Variants in CREB3L2 observed in about 807,000 individuals in gnomAD.
CREB3L2 encodes cAMP responsive element binding protein 3 like 2.
A neutral mutation model predicts 57.2 loss-of-function variants in CREB3L2; 23 were observed. The observed-to-expected ratio is 0.40, with a 90% CI of 0.29 to 0.57. The LOEUF is 0.57. Among genes scored for constraint, CREB3L2 ranks in the 20% least tolerant of loss-of-function variants. The pLI is 0.42. For synonymous variants in CREB3L2, 268 were observed against 265.1 expected (o/e 1.01, Z -0.11); for missense variants, 628 against 634.7 (o/e 0.99, Z 0.11).
intron 1 of CREB3L2, among the ~76,000 whole-genome samples, chr7:137,935,571 C>G (rs1054369740): frequency 6.6e-6 from 1 of 152,154 alleles, no homozygotes; most frequent in Non-Finnish European, 1.5e-5. Flanking sequence ...TATCACTAGG[C>G]CTTCCAAACT....
intron 3 of CREB3L2, among the ~76,000 whole-genome samples, chr7:137,913,728 C>T (rs529798480): frequency 6.6e-6 from 1 of 151,756 alleles, no homozygotes; most frequent in South Asian, 2.1e-4. Context: ...AAAGTAAGAA[C>T]CAAACACTGC....
chr7:137,994,279 G>C (rs1164717752), intron 1 of CREB3L2, among the ~76,000 whole-genome samples: 3 of 152,226 alleles, frequency 2.0e-5, no homozygotes, highest in Non-Finnish European at 2.9e-5. Context: ...GGCAGTTTTA[G>C]CTGCAGACAG....
At chr7:137,966,279 TTA>T (rs1801405868) in intron 1 of CREB3L2, among the ~76,000 whole-genome samples, 1 of 152,230 alleles carries the variant, frequency 6.6e-6, no homozygotes, top group African/African-American at 2.4e-5. Context: ...GTAAAATAGA[TTA>T]TATGTTACTT....
rs145150938 is a variant in CREB3L2, at chr7:137,902,085, T to C, written c.975-663A>G. Among the ~76,000 whole-genome samples the C allele has an allele frequency of 4.6e-3, 686 of 149,270 alleles. 7 individuals carry two copies. Among genetic ancestry groups the C allele is most frequent in the African/African-American group, 0.016 (665 of 40,744 alleles). On this transcript the variant is annotated intron_variant, in intron 7 of 11. Coordinates refer to ENST00000330387, the MANE Select transcript of CREB3L2 (RefSeq NM_194071.4). ...GGTGTGTGCCTGTAATCCGAGCTAC[T>C]TGGGAGGCTGAGACAGAAGAGTCAC... is the stretch of plus-strand genomic sequence containing the variant.
intron 1 of CREB3L2, chr7:137,953,463 T>C (rs1220550023): frequency 1.6e-6 from 2 of 1,288,788 alleles, no homozygotes; most frequent in African/African-American, 1.5e-5. Context: ...TGTTGGTGTA[T>C]GTTAAATGTT....
intron 1 of CREB3L2, among the ~76,000 whole-genome samples, chr7:137,977,696 G>A (rs541061417): frequency 7.2e-5 from 11 of 152,224 alleles, no homozygotes; most frequent in African/African-American, 2.2e-4. Context: ...TGAGGTGGGC[G>A]GATCACTTGA....
At chr7:137,972,706 A>AACAACAAC (rs760748486) in intron 1 of CREB3L2, among the ~76,000 whole-genome samples, 50 of 51,794 alleles carry the variant, frequency 9.7e-4, no homozygotes, top group Admixed American at 1.9e-3. Context: ...AAAAAAAAAA[A>AACAACAAC]AAAAAAATAT....
At chr7:137,979,232 T>A (rs1359810470) in intron 1 of CREB3L2, among the ~76,000 whole-genome samples, 1 of 152,164 alleles carries the variant, frequency 6.6e-6, no homozygotes, top group Non-Finnish European at 1.5e-5. Context: ...CTGTTCTAAT[T>A]GATCACAGCT....
intron 1 of CREB3L2, chr7:137,953,532 G>T: frequency 1.6e-6 from 2 of 1,288,964 alleles, no homozygotes; most frequent in Non-Finnish European, 2.0e-6. Flanking sequence ...AAGGTATGCG[G>T]GTTTGCAGAG....
At chr7:137,996,415 C>T (rs777563679) in intron 1 of CREB3L2, among the ~76,000 whole-genome samples, 3 of 152,200 alleles carry the variant, frequency 2.0e-5, no homozygotes, top group Non-Finnish European at 2.9e-5. Flanking sequence ...TTCTGTCTCC[C>T]GTTAGAACTC....
chr7:137,885,029 C>G lies in CREB3L2; in HGVS notation c.1236G>C (p.Gln412His). 6.2e-7 allele frequency: 1 copy of G among 1,614,178 alleles called. No homozygotes were observed. The highest frequency in any genetic ancestry group is 1.1e-5 in the South Asian group (1 of 91,084). The change falls in exon 10 of 12, where the codon CAG becomes CAC. Residue 412 changes from glutamine to histidine, a missense_variant. Around this residue, in one of 3 missense-constraint regions of CREB3L2, gnomAD observed 272 missense variants for 242.7 expected, o/e 1.12. Transcript: ENST00000330387. The stretch of plus-strand genomic sequence containing the variant: ...CTGTGTAGGGCTCCTGCAGGGAATG[C>G]TGGCTGGGCAGAGCCATCTTGGTGG... ...PSATKMALPSQHSLQEPYTAS... is the reference protein window; with the variant it reads ...PSATKMALPSHHSLQEPYTAS...
chr7:137,984,988 T>C (rs1801768528), intron 1 of CREB3L2, among the ~76,000 whole-genome samples: 1 of 152,230 alleles, frequency 6.6e-6, no homozygotes, highest in African/African-American at 2.4e-5. Context: ...TTATCAGCAA[T>C]GAGTTTTGCG....
intron 1 of CREB3L2, among the ~76,000 whole-genome samples, chr7:137,977,647 G>A (rs754318283): frequency 3.9e-5 from 6 of 152,198 alleles, no homozygotes; most frequent in African/African-American, 1.2e-4. Context: ...AGGGCTGGGC[G>A]TGGTGGCTCA....
At chr7:137,924,905 C>G (rs1211594604) in intron 2 of CREB3L2, among the ~76,000 whole-genome samples, 1 of 152,150 alleles carries the variant, frequency 6.6e-6, no homozygotes, top group Non-Finnish European at 1.5e-5. Context: ...AATCTTAGAA[C>G]AGTTATTTTT....
chr7:137,883,570 G>A (rs1157993789), intron 10 of CREB3L2, among the ~76,000 whole-genome samples: 1 of 152,126 alleles, frequency 6.6e-6, no homozygotes, highest in Non-Finnish European at 1.5e-5. Context: ...ATTAGGCCCA[G>A]TAAGAAATTA....
chr7:137,887,380 C>T (rs1025953780), intron 8 of CREB3L2, among the ~76,000 whole-genome samples: 3 of 152,070 alleles, frequency 2.0e-5, no homozygotes, highest in Non-Finnish European at 4.4e-5. Context: ...TTGGAGCAGC[C>T]CTCAGCACAC....
chr7:137,912,259 T>C (rs273960), intron 4 of CREB3L2, among the ~76,000 whole-genome samples: 108,304 of 151,730 alleles, frequency 0.71, 39,984 homozygotes, highest in East Asian at 0.92. Context: ...CGCCTGTAAT[T>C]GCAGCTTCTC....
rs1799279195 is a variant in CREB3L2 at position 137,880,978 on chromosome 7, T to C, written c.1488-427A>G. On this transcript the variant is annotated intron_variant, in intron 11 of 11. Transcript: ENST00000330387. This position sits in a 1 kb window ranked among gnomAD's most constrained non-coding sequence, Gnocchi z 4.0. Reference sequence around the variant, plus strand: ...ACAATGAGCTAATTTGAAATAATAATAAATCCATAACAGAAAATAAATACA... The same window carrying C: ...ACAATGAGCTAATTTGAAATAATAACAAATCCATAACAGAAAATAAATACA... Among the ~76,000 whole-genome samples, 1 of 152,198 alleles carries C rather than the reference T, an allele frequency of 6.6e-6. No individual in the cohort carries two copies. The highest frequency in any genetic ancestry group is 2.4e-5 in the African/African-American group (1 of 41,460).
chr7:137,923,068 T>C (rs1437794314), intron 2 of CREB3L2, among the ~76,000 whole-genome samples: 1 of 152,146 alleles, frequency 6.6e-6, no homozygotes, highest in Non-Finnish European at 1.5e-5. Flanking sequence ...CTGAAATAAC[T>C]TTCAGTATTG....
Sources: allele counts gnomAD v4.1 joint callset (sites outside exome capture counted in the v4.1 genomes callset), GRCh38; gene constraint gnomAD v4.1.1; regional missense constraint gnomAD v4.1.1; non-coding constraint Gnocchi (gnomAD v3.1); transcripts MANE v1.5; gene names NCBI Gene and HGNC (gene_info 2026-07-23, HGNC 2026-07-21).